The following JAK1 variants were observed in gnomAD, a reference collection of about 807,000 sequenced individuals.
JAK1 encodes tyrosine-protein kinase JAK1.
In JAK1, 16 loss-of-function variants were observed where a neutral mutation model predicts 136.6. The observed-to-expected ratio is 0.12, with a 90% CI of 0.08 to 0.18. The LOEUF (loss-of-function observed/expected upper bound fraction) is 0.18, where lower values mean the gene tolerates loss of function less well. Ranked by LOEUF, JAK1 falls within the 10% of genes least tolerant of loss-of-function variation. The probability of loss-of-function intolerance (pLI) is 1.00; values close to 1 mark genes in which losing one functional copy is unlikely to be tolerated. For missense variants in JAK1, 859 were observed against 1,450.1 expected (o/e 0.59, Z 6.62); for synonymous variants, 492 against 519.5 (o/e 0.95, Z 0.72).
chr1:65,046,327 C>T (rs74348402), intron 1 of JAK1, among the ~76,000 whole-genome samples: 2 of 152,246 alleles, frequency 1.3e-5, no homozygotes, highest in East Asian at 1.9e-4. Flanking sequence ...AAGTCAGACA[C>T]GGACAAGCTG....
chr1:65,031,155 C>CAAAAAAA (rs375856684), intron 2 of JAK1, among the ~76,000 whole-genome samples: 1 of 68,278 alleles, frequency 1.5e-5, no homozygotes, highest in Non-Finnish European at 3.0e-5. Flanking sequence ...GACCCTATCT[C>CAAAAAAA]AAAAAAAAAA....
chr1:64,933,012 GAA>G (rs1302117192), intron 1 of JAK1, among the ~76,000 whole-genome samples: 8 of 151,888 alleles, frequency 5.3e-5, no homozygotes, highest in Non-Finnish European at 7.4e-5. Flanking sequence ...GAACCTCCGA[GAA>G]ATCTCAAATA....
At chr1:65,001,236 T>G (rs148275159) in intron 2 of JAK1, among the ~76,000 whole-genome samples, 32 of 152,324 alleles carry the variant, frequency 2.1e-4, no homozygotes, top group Non-Finnish European at 4.0e-4. Flanking sequence ...GTTTCCTTAA[T>G]CTTCATAATT....
rs949313132 is a variant in JAK1 at position 64,833,741 on chromosome 1, G to A, written c.*821C>T. ...TGCTGGAATAGCTTGCCCCAAAGTG[G>A]TAGAGTTATAAAAGGATATACATTG... On this transcript the variant is annotated 3_prime_UTR_variant, in exon 25 of 25. Transcript: ENST00000342505. The A allele has an allele frequency of 4.3e-6, 1 of 232,944 alleles. No homozygotes were observed. Among genetic ancestry groups the A allele is most frequent in the Non-Finnish European group, 8.5e-6 (1 of 117,912 alleles). 14.4% of individuals were successfully genotyped at this position (232,944 alleles called of 1,614,324 possible).
intron 1 of JAK1, among the ~76,000 whole-genome samples, chr1:65,050,023 C>T (rs1647242488): frequency 6.6e-6 from 1 of 152,162 alleles, no homozygotes; most frequent in African/African-American, 2.4e-5. Flanking sequence ...TTTGAAAAAG[C>T]TCTGCAGGAA....
intron 2 of JAK1, among the ~76,000 whole-genome samples, chr1:65,016,592 G>A (rs1646893666): frequency 6.6e-6 from 1 of 151,218 alleles, no homozygotes; most frequent in Non-Finnish European, 1.5e-5. Flanking sequence ...AACAGAATAG[G>A]ACCCTGTCTC....
At chr1:64,939,830 T>A (rs1425502445) in intron 1 of JAK1, among the ~76,000 whole-genome samples, 3 of 152,212 alleles carry the variant, frequency 2.0e-5, no homozygotes, top group African/African-American at 7.2e-5. Context: ...AGAGAATAAC[T>A]ACTTAGACTG....
chr1:65,042,375 T>C (rs1022362473), intron 2 of JAK1, among the ~76,000 whole-genome samples: 1 of 151,528 alleles, frequency 6.6e-6, no homozygotes, highest in African/African-American at 2.4e-5. Flanking sequence ...ATTTTCTTAG[T>C]CTTAGTTATG....
At chr1:64,971,876 G>C (rs1326850272) in intron 2 of JAK1, among the ~76,000 whole-genome samples, 1 of 152,122 alleles carries the variant, frequency 6.6e-6, no homozygotes, top group African/African-American at 2.4e-5. Flanking sequence ...TCATACTTTT[G>C]ATATGCATTT....
chr1:65,063,804 CAA>C lies in JAK1; in HGVS notation c.-181+3798_-181+3799del, dbSNP rs370192253. Among the ~76,000 whole-genome samples the C allele has an allele frequency of 4.5e-3, 369 of 81,336 alleles. 1 individual carries two copies. Among genetic ancestry groups the C allele is most frequent in the African/African-American group, 0.013 (316 of 23,770 alleles). The allele number at this position is 81,336 out of a possible 152,430, so 53.4% of individuals were successfully genotyped here. A position where few individuals can be genotyped will look rare whatever the true frequency, so the allele number is the denominator to read the frequency against. On this transcript the variant is annotated intron_variant, in intron 1 of 25. Coordinates refer to the JAK1 transcript ENST00000671954. The stretch of plus-strand genomic sequence containing the variant: ...TGGAAGACAGAGAGAGACTCTATCT[CAA>C]AAAAAAAAAAAAAAAAAGAAAGAAA...
At chr1:64,910,070 C>G (rs548712802) in intron 1 of JAK1, among the ~76,000 whole-genome samples, 33 of 152,292 alleles carry the variant, frequency 2.2e-4, no homozygotes, top group African/African-American at 7.2e-4. Context: ...TTCTAAATTT[C>G]AAACAATTTC....
intron 1 of JAK1, among the ~76,000 whole-genome samples, chr1:64,965,957 G>A (rs1047649558): frequency 6.6e-6 from 1 of 152,134 alleles, no homozygotes; most frequent in Non-Finnish European, 1.5e-5. Context: ...CAAGGAGCTA[G>A]GGACGTCAGC....
chr1:65,016,448 C>G (rs1646892713), intron 2 of JAK1, among the ~76,000 whole-genome samples: 1 of 152,108 alleles, frequency 6.6e-6, no homozygotes, highest in Non-Finnish European at 1.5e-5. Flanking sequence ...ATAGTGAAAC[C>G]CTGTCTCTAC....
At position 64,871,934 on chromosome 1, in the gene JAK1, C is replaced by T. The variant is rs554371258; in HGVS notation, c.483+1436G>A. On this transcript the variant is annotated intron_variant, in intron 5 of 24. Transcript: ENST00000342505. Reference sequence around the variant, plus strand: ...TGAAGCCTTCCAAATGGCTTCCCACCACACTCAGGGTTAAAGCATAACCCC... The same window carrying T: ...TGAAGCCTTCCAAATGGCTTCCCACTACACTCAGGGTTAAAGCATAACCCC... Among the ~76,000 whole-genome samples, 177 of 152,252 alleles carry T rather than the reference C, an allele frequency of 1.2e-3. 1 individual carries two copies. The highest frequency in any genetic ancestry group is 4.1e-3 in the African/African-American group (171 of 41,550).
At chr1:65,017,150 C>A (rs1027340749) in intron 2 of JAK1, among the ~76,000 whole-genome samples, 5 of 151,986 alleles carry the variant, frequency 3.3e-5, no homozygotes, top group Non-Finnish European at 5.9e-5. Flanking sequence ...ATACATCTCC[C>A]GATAATTGAT....
At chr1:64,834,978 C>T (rs188451718) in intron 24 of JAK1, among the ~76,000 whole-genome samples, 51 of 152,308 alleles carry the variant, frequency 3.3e-4, no homozygotes, top group Admixed American at 3.3e-3. Context: ...CACTCTCTGA[C>T]TCATACTGTT....
At chr1:64,879,512 T>C (rs916040289) in intron 3 of JAK1, among the ~76,000 whole-genome samples, 4 of 152,344 alleles carry the variant, frequency 2.6e-5, no homozygotes, top group African/African-American at 9.6e-5. Flanking sequence ...ATGTGCACTT[T>C]GCTAATCGGA....
intron 9 of JAK1, among the ~76,000 whole-genome samples, chr1:64,858,971 C>T (rs1176584229): frequency 2.0e-5 from 3 of 152,190 alleles, no homozygotes; most frequent in Non-Finnish European, 4.4e-5. Context: ...AAGGGAAGAG[C>T]GAGTGCCTGG....
chr1:64,876,443 A>G (rs1644669595), intron 4 of JAK1: 1 of 152,234 alleles, frequency 6.6e-6, no homozygotes, highest in South Asian at 2.1e-4. Context: ...GAGACCAAAC[A>G]TAATGTGTAG....
Sources: gnomAD v4.1 joint callset for allele counts (sites outside exome capture counted in the v4.1 genomes callset) on GRCh38, gnomAD v4.1.1 for gene constraint, MANE v1.5 for transcripts, NCBI Gene and HGNC (gene_info 2026-07-23, HGNC 2026-07-21) for gene names.